Variants in MAPT observed in about 807,000 individuals in gnomAD.
The protein encoded by MAPT is microtubule-associated protein tau.
In MAPT, 34 loss-of-function variants were observed where a neutral mutation model predicts 67.9. The ratio of observed to expected loss-of-function variants is 0.50; its 90% CI spans 0.38 to 0.67. MAPT has a LOEUF of 0.67. MAPT is among the 30% of genes least tolerant of loss of function. MAPT has a pLI of 0.00. For missense variants in MAPT, 881 were observed against 1,115.2 expected (o/e 0.79, Z 2.99); for synonymous variants, 456 against 464.5 (o/e 0.98, Z 0.23).
rs563836446 is a variant in MAPT, at chr17:45,996,001, G to A, written c.1733-398G>A. Among the ~76,000 whole-genome samples the A allele has an allele frequency of 6.6e-5, 10 of 152,288 alleles. No homozygotes were observed. In the South Asian group the frequency reaches 8.3e-4, roughly 13 times the overall value. On this transcript the variant is annotated intron_variant, in intron 8 of 12. Transcript: ENST00000262410. The surrounding 1 kb of genome is among the most constrained non-coding windows in gnomAD (Gnocchi z 4.5). ...ACCACCTCCTGGAGCCACGCTGGCC[G>A]CAGGGATTATAATTATTTCCATTTT... is the stretch of plus-strand genomic sequence containing the variant.
chr17:45,933,589 AG>A (rs1241902827), intron 1 of MAPT, among the ~76,000 whole-genome samples: 21 of 151,286 alleles, frequency 1.4e-4, no homozygotes, highest in African/African-American at 5.1e-4. Context: ...ACTTGTCCTG[AG>A]GCAGCTGCTC....
rs1347836015 is a variant in MAPT, at chr17:45,941,648, CCCCTTCCA to C, written c.-17-20665_-17-20658del. ...CCTCCTTCCCTCTTTCCCTCCTTCC[CCCCTTCCA>C]CCCTTCCCCCCTTCCCCCCTTCCCT... On this transcript the variant is annotated intron_variant, in intron 1 of 12. Coordinates refer to ENST00000262410, the MANE Select transcript of MAPT (RefSeq NM_001377265.1). Among the ~76,000 whole-genome samples, 282 of 102,612 alleles carry C rather than the reference CCCCTTCCA, an allele frequency of 2.7e-3. 7 individuals carry two copies. The highest frequency in any genetic ancestry group is 9.7e-3 in the African/African-American group (237 of 24,470). 67.3% of individuals were successfully genotyped at this position (102,612 alleles called of 152,430 possible).
intron 1 of MAPT, among the ~76,000 whole-genome samples, chr17:45,917,109 G>A (rs1261130866): frequency 6.6e-6 from 1 of 152,218 alleles, no homozygotes. Flanking sequence ...CTCAGCAGCA[G>A]CTTTCCAGAA....
intron 8 of MAPT, chr17:45,993,908 G>A: frequency 5.1e-6 from 8 of 1,561,848 alleles, no homozygotes; most frequent in Non-Finnish European, 6.9e-6. Flanking sequence ...GGCTTTCGTG[G>A]ATTTTTCTCT....
rs771884514 is a variant in MAPT, at chr17:45,996,381, CCCTT to C, written c.1733-7_1733-4del. 8 of 1,609,520 alleles carry C rather than the reference CCCTT, an allele frequency of 5.0e-6. No homozygotes were observed. In the East Asian group the frequency reaches 1.3e-4, roughly 27 times the overall value. The stretch of plus-strand genomic sequence containing the variant: ...CACCCACTCGAGTCCTGGCTTCACT[CCCTT>C]CCTTCCTTCCCAGGTGAACCTCCAA... On this transcript the variant is annotated splice_polypyrimidine_tract_variant and intron_variant, in intron 8 of 12. Coordinates refer to ENST00000262410, the MANE Select transcript of MAPT (RefSeq NM_001377265.1). The surrounding 1 kb of genome is among the most constrained non-coding windows in gnomAD (Gnocchi z 4.5).
chr17:46,010,430 C>A lies in MAPT; in HGVS notation c.2091+28C>A, dbSNP rs1364845993. Reference sequence around the variant, plus strand: ...GAGTACCTTCACACGTCCCATGCGCCGTGCTGTGGCTTGAATTATTAGGAA... The same window carrying A: ...GAGTACCTTCACACGTCCCATGCGCAGTGCTGTGGCTTGAATTATTAGGAA... On this transcript the variant is annotated intron_variant, in intron 10 of 12. Transcript: ENST00000262410. The surrounding 1 kb of genome is among the most constrained non-coding windows in gnomAD (Gnocchi z 4.7). The A allele has an allele frequency of 2.1e-6, 3 of 1,459,870 alleles. No individual in the cohort carries two copies. The highest frequency in any genetic ancestry group is 2.8e-6 in the Non-Finnish European group (3 of 1,061,068). 90.4% of individuals were successfully genotyped at this position (1,459,870 alleles called of 1,614,324 possible).
intron 1 of MAPT, among the ~76,000 whole-genome samples, chr17:45,941,641 TCCTTCCCC>T (rs1222427494): frequency 1.1e-4 from 8 of 70,550 alleles, no homozygotes; most frequent in South Asian, 1.3e-3. Context: ...CCTCTTTCCC[TCCTTCCCC>T]CCTTCCACCC....
At chr17:45,960,767 A>G (rs1286708238) in intron 1 of MAPT, among the ~76,000 whole-genome samples, 2 of 151,802 alleles carry the variant, frequency 1.3e-5, no homozygotes, top group Non-Finnish European at 2.9e-5. Flanking sequence ...AGCCTGGGCA[A>G]CATAGTGAGA....
intron 3 of MAPT, chr17:45,974,300 G>T: frequency 1.1e-6 from 1 of 950,718 alleles, no homozygotes. Flanking sequence ...CCTCCTCCCT[G>T]CATTGCTCCT....
At chr17:45,898,609 G>C (rs2063420445) in intron 1 of MAPT, 1 of 152,142 alleles carries the variant, frequency 6.6e-6, no homozygotes, top group Admixed American at 6.5e-5. Flanking sequence ...TATGTGTGTG[G>C]TTTCAGTAGC....
At chr17:45,926,835 G>T (rs2066340283) in intron 1 of MAPT, among the ~76,000 whole-genome samples, 1 of 151,324 alleles carries the variant, frequency 6.6e-6, no homozygotes, top group Non-Finnish European at 1.5e-5. Context: ...TAAGGGTGCA[G>T]TATCATGATG....
In MAPT at chr17:45,954,824, CA is replaced by C. The variant is rs892356637; in HGVS notation, c.-17-7487del. 1.6e-3 allele frequency among the ~76,000 whole-genome samples: 241 copies of C among 147,678 alleles called. 2 individuals carry two copies. The highest frequency in any genetic ancestry group is 4.9e-3 in the South Asian group (23 of 4,658). On this transcript the variant is annotated intron_variant, in intron 1 of 12. Coordinates refer to ENST00000262410, the MANE Select transcript of MAPT (RefSeq NM_001377265.1). ...TGAAACCCCGTCTCTACTAAAAATA[CA>C]AAAAAAAAATTAGCCGGGCACAGTG...
At chr17:45,991,833 G>A (rs1476943280) in intron 8 of MAPT, among the ~76,000 whole-genome samples, 1 of 150,522 alleles carries the variant, frequency 6.6e-6, no homozygotes, top group Admixed American at 6.6e-5. Context: ...TATCCAGGCC[G>A]GAGTGCAGTG....
chr17:45,978,750 A>C (rs771948183), intron 4 of MAPT: 9 of 333,152 alleles, frequency 2.7e-5, no homozygotes, highest in East Asian at 5.8e-5. Flanking sequence ...CACGCCTCTA[A>C]TCCCAGCACT....
Position 45,897,186 on chromosome 17 carries a change from G to C in MAPT, c.-18+2500G>C, listed in dbSNP as rs2063309990. 1 of 152,312 alleles carries C rather than the reference G, an allele frequency of 6.6e-6. No homozygotes were observed. Among genetic ancestry groups the C allele is most frequent in the South Asian group, 2.1e-4 (1 of 4,824 alleles). 9.4% of individuals were successfully genotyped at this position (152,312 alleles called of 1,614,324 possible). A position where few individuals can be genotyped will look rare whatever the true frequency, so the allele number is the denominator to read the frequency against. On this transcript the variant is annotated intron_variant, in intron 1 of 12. Coordinates refer to ENST00000262410, the MANE Select transcript of MAPT (RefSeq NM_001377265.1). This position sits in a 1 kb window ranked among gnomAD's most constrained non-coding sequence, Gnocchi z 5.0. ...TCGCCCCCAGACAGAGCTGGGCGCGGGGTTCCCCTTCCAGATGGAGCGAGG... is the reference window on the plus strand; with the variant it reads ...TCGCCCCCAGACAGAGCTGGGCGCGCGGTTCCCCTTCCAGATGGAGCGAGG...
At chr17:45,926,988 C>T (rs1240718842) in intron 1 of MAPT, among the ~76,000 whole-genome samples, 2 of 148,348 alleles carry the variant, frequency 1.3e-5, no homozygotes, top group Non-Finnish European at 3.0e-5. Flanking sequence ...TATATATATA[C>T]ACACACATAC....
At chr17:45,957,810 A>G (rs775003206) in intron 1 of MAPT, among the ~76,000 whole-genome samples, 87 of 152,236 alleles carry the variant, frequency 5.7e-4, no homozygotes, top group Non-Finnish European at 1.1e-3. Flanking sequence ...TTTGGCCTAT[A>G]ATACAATTCC....
chr17:45,956,828 C>T (rs56061001), intron 1 of MAPT, among the ~76,000 whole-genome samples: 21,072 of 149,784 alleles, frequency 0.14, 2,025 homozygotes, highest in Non-Finnish European at 0.21. Flanking sequence ...TTCCCACCTA[C>T]GAGTGAGAAC....
In MAPT at chr17:45,915,179, C is replaced by T. The variant is rs2065093443; in HGVS notation, c.-18+20493C>T. 6.6e-6 allele frequency among the ~76,000 whole-genome samples: 1 copy of T among 152,090 alleles called. No homozygotes were observed. ...CACAAAAGCTCTGATCTGGCCTAACCCTGTCATGTTAGAGACTGGAGTGCG... is the reference window on the plus strand; with the variant it reads ...CACAAAAGCTCTGATCTGGCCTAACTCTGTCATGTTAGAGACTGGAGTGCG... On this transcript the variant is annotated intron_variant, in intron 1 of 12. Transcript: ENST00000262410. This position sits in a 1 kb window ranked among gnomAD's most constrained non-coding sequence, Gnocchi z 4.4.
Sources: allele counts gnomAD v4.1 joint callset (sites outside exome capture counted in the v4.1 genomes callset), GRCh38; gene constraint gnomAD v4.1.1; non-coding constraint Gnocchi (gnomAD v3.1); transcripts MANE v1.5; gene names NCBI Gene and HGNC (gene_info 2026-07-23, HGNC 2026-07-21).